The following KCNK10 variants were observed in gnomAD, a reference collection of about 807,000 sequenced individuals.
KCNK10 encodes the protein potassium two pore domain channel subfamily K member 10.
In KCNK10, 25 loss-of-function variants were observed where a neutral mutation model predicts 47.7. That is an observed-to-expected ratio of 0.52 (90% CI 0.38 to 0.73). The LOEUF (loss-of-function observed/expected upper bound fraction) is 0.73, where lower values mean the gene tolerates loss of function less well. Among genes scored for constraint, KCNK10 ranks in the 30% least tolerant of loss-of-function variants. The pLI, the probability that KCNK10 is intolerant of heterozygous loss-of-function variation, is 0.00. For synonymous variants in KCNK10, 303 were observed against 285.6 expected, an observed-to-expected ratio of 1.06 and a Z score of -0.61; for missense variants, 563 against 714.5, an observed-to-expected ratio of 0.79 and a Z score of 2.42.
At chr14:88,203,753 A>G (rs1204469160) in intron 4 of KCNK10, among the ~76,000 whole-genome samples, 1 of 152,196 alleles carries the variant, frequency 6.6e-6, no homozygotes, top group African/African-American at 2.4e-5. Flanking sequence ...CACCTGCAGA[A>G]GGTGGGTAGC....
chr14:88,270,838 C>G (rs755114982), intron 1 of KCNK10: 1 of 780,904 alleles, frequency 1.3e-6, no homozygotes, highest in Non-Finnish European at 2.4e-6. Flanking sequence ...TCAGTGTGAT[C>G]ACATGGACCC....
At chr14:88,194,880 T>C (rs1316376804) in intron 4 of KCNK10, among the ~76,000 whole-genome samples, 2 of 152,130 alleles carry the variant, frequency 1.3e-5, no homozygotes, top group Non-Finnish European at 2.9e-5. Context: ...ACTTAAGAAA[T>C]GCGCGTCTTG....
intron 4 of KCNK10, among the ~76,000 whole-genome samples, chr14:88,216,319 T>TG (rs779377163): frequency 5.3e-5 from 8 of 152,192 alleles, no homozygotes; most frequent in Non-Finnish European, 1.2e-4. Flanking sequence ...TGGTAGTCTT[T>TG]GGGGCAATTG....
chr14:88,207,679 C>T (rs1051788900), intron 4 of KCNK10, among the ~76,000 whole-genome samples: 1 of 152,162 alleles, frequency 6.6e-6, no homozygotes, highest in Admixed American at 6.5e-5. Flanking sequence ...TTCATTGATT[C>T]ATCAAGTATG....
chr14:88,246,332 C>T (rs952934021), intron 2 of KCNK10, among the ~76,000 whole-genome samples: 1 of 148,698 alleles, frequency 6.7e-6, no homozygotes, highest in Non-Finnish European at 1.5e-5. Flanking sequence ...AAGCCACAAA[C>T]TCTGTGAGAA....
At chr14:88,326,537 G>A, upstream of KCNK10, 1 of 1,138,116 alleles carries the variant, frequency 8.8e-7, no homozygotes, top group Non-Finnish European at 1.3e-6. Context: ...GGCGGGTTAA[G>A]TCTGGTGGAA....
upstream of KCNK10, among the ~76,000 whole-genome samples, chr14:88,326,155 A>C: frequency 6.6e-6 from 1 of 150,790 alleles, no homozygotes; most frequent in Admixed American, 6.6e-5. Context: ...CTCCTTTCTC[A>C]GAATGTAGAC....
chr14:88,326,754 A>C, upstream of KCNK10: 1 of 391,120 alleles, frequency 2.6e-6, no homozygotes, highest in Non-Finnish European at 4.6e-6. Flanking sequence ...CACCACTTTA[A>C]TGAATGCCGT....
intron 1 of KCNK10, among the ~76,000 whole-genome samples, chr14:88,269,092 C>T (rs1438514048): frequency 6.6e-6 from 1 of 152,144 alleles, no homozygotes; most frequent in Non-Finnish European, 1.5e-5. Context: ...GAGCCGAGAT[C>T]GTGCCATTGC....
intron 1 of KCNK10, among the ~76,000 whole-genome samples, chr14:88,316,839 C>T (rs1888438968): frequency 6.6e-6 from 1 of 152,214 alleles, no homozygotes; most frequent in Admixed American, 6.5e-5. Flanking sequence ...CACTAGCTCA[C>T]TGTGCCTATA....
At chr14:88,197,308 G>T (rs1035273939) in intron 4 of KCNK10, among the ~76,000 whole-genome samples, 1 of 151,900 alleles carries the variant, frequency 6.6e-6, no homozygotes, top group Non-Finnish European at 1.5e-5. Context: ...TAAAAACTCA[G>T]GCCAGGCATG....
chr14:88,200,355 T>C (rs1885064496), intron 4 of KCNK10, among the ~76,000 whole-genome samples: 1 of 152,022 alleles, frequency 6.6e-6, no homozygotes, highest in Non-Finnish European at 1.5e-5. Context: ...AAGAGCATAA[T>C]TGAGAAAAAA....
At chr14:88,279,373 G>GTC (rs1174712875) in intron 1 of KCNK10, among the ~76,000 whole-genome samples, 3 of 135,540 alleles carry the variant, frequency 2.2e-5, no homozygotes, top group African/African-American at 9.0e-5. Flanking sequence ...ACGTGTGTGT[G>GTC]TGTGTGTGTG....
At position 88,182,135 on chromosome 14, in the gene KCNK10, T is replaced by C. The variant is rs549253684; in HGVS notation, c.*3400A>G. The C allele has an allele frequency of 6.6e-6, 1 of 152,262 alleles. No individual in the cohort carries two copies. Among genetic ancestry groups the C allele is most frequent in the South Asian group, 2.1e-4 (1 of 4,794 alleles). The allele number at this position is 152,262 out of a possible 1,614,324, so 9.4% of individuals were successfully genotyped here. A position where few individuals can be genotyped will look rare whatever the true frequency, so the allele number is the denominator to read the frequency against. ...ATAAATATCACTGTTGGGTTAGGAC[T>C]GGGTATGGAGCTGTACTCTTTCCAG... is the stretch of plus-strand genomic sequence containing the variant. On this transcript the variant is annotated 3_prime_UTR_variant, in exon 7 of 7. Coordinates refer to ENST00000319231, the MANE Select transcript of KCNK10 (RefSeq NM_138317.3).
chr14:88,261,049 CA>C (rs1887096236), intron 2 of KCNK10, among the ~76,000 whole-genome samples: 1 of 152,222 alleles, frequency 6.6e-6, no homozygotes, highest in African/African-American at 2.4e-5. Flanking sequence ...TGGATAAGCT[CA>C]GATAGCTTGT....
chr14:88,263,659 G>T, intron 1 of KCNK10, 108 bp from the exon 2 acceptor site: 1 of 1,016,828 alleles, frequency 9.8e-7, no homozygotes, highest in Non-Finnish European at 1.4e-6. Context: ...GCTTTCAAAT[G>T]TGAGGATGAA....
intron 4 of KCNK10, among the ~76,000 whole-genome samples, chr14:88,207,024 C>T: frequency 6.6e-6 from 1 of 152,140 alleles, no homozygotes; most frequent in Non-Finnish European, 1.5e-5. Flanking sequence ...CATATGAATA[C>T]CATTGGCAAT....
At chr14:88,326,560 G>C, upstream of KCNK10, 9 of 828,914 alleles carry the variant, frequency 1.1e-5, no homozygotes, top group South Asian at 1.2e-4. Flanking sequence ...AGACTGCCTA[G>C]CGTTCCTGCG....
At chr14:88,289,143 T>C (rs1443399636) in intron 1 of KCNK10, among the ~76,000 whole-genome samples, 3 of 152,124 alleles carry the variant, frequency 2.0e-5, no homozygotes, top group African/African-American at 7.2e-5. Context: ...CATGTAAAAA[T>C]TTCCATTTCC....
Sources: allele counts gnomAD v4.1 joint callset (sites outside exome capture counted in the v4.1 genomes callset), GRCh38; gene constraint gnomAD v4.1.1; transcripts MANE v1.5; gene names NCBI Gene and HGNC (gene_info 2026-07-23, HGNC 2026-07-21).